The following GSE1 variants were observed in gnomAD, a reference collection of about 807,000 sequenced individuals.
GSE1 encodes Gse1 coiled-coil protein, also known as genetic suppressor element 1.
A neutral mutation model predicts 112.6 loss-of-function variants in GSE1; 32 were observed. The ratio of observed to expected loss-of-function variants is 0.28; its 90% CI spans 0.21 to 0.38. The LOEUF (loss-of-function observed/expected upper bound fraction) is 0.38, where lower values mean the gene tolerates loss of function less well. Among genes scored for constraint, GSE1 ranks in the 10% least tolerant of loss-of-function variants. The pLI, the probability that GSE1 is intolerant of heterozygous loss-of-function variation, is 1.00. For synonymous variants in GSE1, 1,115 were observed against 735.6 expected, an observed-to-expected ratio of 1.52 and a Z score of -8.35; for missense variants, 2,348 against 1,699.2, an observed-to-expected ratio of 1.38 and a Z score of -6.71.
intron 15 of GSE1, chr16:85,671,716 T>C (rs1598733728): frequency 1.3e-5 from 2 of 153,380 alleles, no homozygotes; most frequent in African/African-American, 4.8e-5. Flanking sequence ...AATTATTGCC[T>C]GTATCAGTCT....
At chr16:85,554,765 C>T, upstream of GSE1, 1 of 519,756 alleles carries the variant, frequency 1.9e-6, no homozygotes, top group Non-Finnish European at 2.3e-6. Flanking sequence ...GCTCCCGCAG[C>T]TGTCAGTCGT....
rs535588207 is a variant in GSE1 at position 85,445,732 on chromosome 16, C to T, written c.2464+88089C>T. On this transcript the variant is annotated intron_variant, in intron 2 of 2. Transcript: ENST00000637419. ...CAGCAGCAGCAGCCCTCTCCTGGCTCGAGGGAGAGCTCCCCCCAGCCGCCC... is the reference window on the plus strand; with the variant it reads ...CAGCAGCAGCAGCCCTCTCCTGGCTTGAGGGAGAGCTCCCCCCAGCCGCCC... 1.1e-3 allele frequency among the ~76,000 whole-genome samples: 171 copies of T among 152,298 alleles called. 1 individual carries two copies. The highest frequency in any genetic ancestry group is 3.9e-3 in the African/African-American group (161 of 41,558).
At chr16:85,463,366 G>C (rs2151828551) in intron 2 of GSE1, among the ~76,000 whole-genome samples, 1 of 152,320 alleles carries the variant, frequency 6.6e-6, no homozygotes, top group Non-Finnish European at 1.5e-5. Flanking sequence ...CCCGCGGTCT[G>C]GCTGTGCCTG....
intron 1 of GSE1, among the ~76,000 whole-genome samples, chr16:85,173,171 G>C (rs980404999): frequency 6.6e-6 from 1 of 152,240 alleles, no homozygotes; most frequent in Non-Finnish European, 1.5e-5. Flanking sequence ...TTTGGAGCAA[G>C]ACTGACCCCA....
At chr16:85,261,591 CG>C (rs1178112738) in intron 1 of GSE1, among the ~76,000 whole-genome samples, 2 of 152,070 alleles carry the variant, frequency 1.3e-5, no homozygotes, top group Non-Finnish European at 2.9e-5. Context: ...AGGGCTGCCC[CG>C]TGTGGTAGAG....
intron 1 of GSE1, among the ~76,000 whole-genome samples, chr16:85,192,900 G>A (rs1206889059): frequency 2.0e-5 from 3 of 152,126 alleles, no homozygotes; most frequent in East Asian, 3.9e-4. Context: ...AAATGCCCTC[G>A]CAAACAAGAG....
At chr16:85,571,044 G>C (rs554182434) in intron 1 of GSE1, among the ~76,000 whole-genome samples, 50 of 152,200 alleles carry the variant, frequency 3.3e-4, no homozygotes, top group Non-Finnish European at 6.5e-4. Context: ...AGAGGAGAGT[G>C]GTTTTTATCT....
chr16:85,181,742 C>T (rs1208562583), intron 1 of GSE1, among the ~76,000 whole-genome samples: 5 of 151,592 alleles, frequency 3.3e-5, no homozygotes, highest in Non-Finnish European at 5.9e-5. Context: ...CACTTCCAGA[C>T]ACGACAGGAC....
intron 1 of GSE1, among the ~76,000 whole-genome samples, chr16:85,558,652 C>T (rs2045356835): frequency 6.6e-6 from 1 of 152,130 alleles, no homozygotes; most frequent in Admixed American, 6.5e-5. Context: ...GAGGTCGGGG[C>T]ACAAGTAAAT....
At position 85,459,201 on chromosome 16, in the gene GSE1, C is replaced by T. The variant is rs545458746; in HGVS notation, c.2464+101558C>T. Among the ~76,000 whole-genome samples, 10 of 152,332 alleles carry T rather than the reference C, an allele frequency of 6.6e-5. No homozygotes were observed. In the East Asian group the frequency reaches 1.5e-3, roughly 24 times the overall value. On this transcript the variant is annotated intron_variant, in intron 2 of 2. Transcript: ENST00000637419. ...GGCAGATTCTATCTAGAACAACCAC[C>T]GTGCCAATTGCAAACGCCACCCCCA... is the stretch of plus-strand genomic sequence containing the variant.
At chr16:85,422,419 C>T (rs933075672) in intron 2 of GSE1, among the ~76,000 whole-genome samples, 5 of 152,038 alleles carry the variant, frequency 3.3e-5, no homozygotes, top group Non-Finnish European at 7.4e-5. Context: ...TCGGTTCCTC[C>T]CCCGGAGGCC....
intron 2 of GSE1, among the ~76,000 whole-genome samples, chr16:85,398,477 C>T (rs1308675924): frequency 6.6e-6 from 1 of 152,106 alleles, no homozygotes; most frequent in Non-Finnish European, 1.5e-5. Flanking sequence ...TGCCCTGCTG[C>T]TATCTGTAGA....
intron 1 of GSE1, chr16:85,207,676 G>A (rs55818488): frequency 6.6e-6 from 1 of 152,050 alleles, no homozygotes; most frequent in Non-Finnish European, 1.5e-5. Context: ...GACCAGCGGG[G>A]TGAGGGCAGA....
chr16:85,261,295 G>A (rs564076500), intron 1 of GSE1, among the ~76,000 whole-genome samples: 1 of 152,104 alleles, frequency 6.6e-6, no homozygotes, highest in South Asian at 2.1e-4. Context: ...GGGGCAGGAG[G>A]CCTGGTGCCC....
chr16:85,660,041 G>A (rs1013267988), intron 8 of GSE1, among the ~76,000 whole-genome samples: 2 of 152,240 alleles, frequency 1.3e-5, no homozygotes, highest in African/African-American at 2.4e-5. Flanking sequence ...GGCTGCCTGC[G>A]GGGACAGTGG....
At chr16:85,607,756 A>C (rs1370111878), upstream of GSE1, among the ~76,000 whole-genome samples, 1 of 152,190 alleles carries the variant, frequency 6.6e-6, no homozygotes, top group Non-Finnish European at 1.5e-5. Flanking sequence ...GCCTTTATCC[A>C]ATCAGCAGAT....
upstream of GSE1, chr16:85,555,697 C>A: frequency 1.6e-6 from 1 of 615,664 alleles, no homozygotes; most frequent in Non-Finnish European, 2.0e-6. Flanking sequence ...CTTTTTCCTT[C>A]TGGTTCTGAA....
chr16:85,670,325 T>A (rs1043245634), intron 14 of GSE1, among the ~76,000 whole-genome samples: 3 of 152,238 alleles, frequency 2.0e-5, no homozygotes, highest in Admixed American at 2.0e-4. Flanking sequence ...TGTGAAACTT[T>A]AAAGCATCCC....
At chr16:85,576,088 C>T (rs939729900) in intron 1 of GSE1, among the ~76,000 whole-genome samples, 14 of 152,144 alleles carry the variant, frequency 9.2e-5, no homozygotes, top group Non-Finnish European at 7.3e-5. Flanking sequence ...GGAGCAAGGC[C>T]AGGAATACCG....
Sources: allele counts gnomAD v4.1 joint callset (sites outside exome capture counted in the v4.1 genomes callset), GRCh38; gene constraint gnomAD v4.1.1; transcripts MANE v1.5; gene names NCBI Gene and HGNC (gene_info 2026-07-23, HGNC 2026-07-21).